Variants in KIF13A observed in about 807,000 individuals in gnomAD.
KIF13A encodes the protein kinesin-like protein KIF13A.
Under a neutral mutation model 212.2 loss-of-function variants are expected in KIF13A, and 79 were observed. The ratio of observed to expected loss-of-function variants is 0.37; its 90% CI spans 0.31 to 0.45. KIF13A has a LOEUF of 0.45. Ranked by LOEUF, KIF13A falls within the 20% of genes least tolerant of loss-of-function variation. The probability of loss-of-function intolerance (pLI) is 1.00; values close to 1 mark genes in which losing one functional copy is unlikely to be tolerated. For missense variants in KIF13A, 1,901 were observed against 2,209.0 expected (o/e 0.86, Z 2.79); for synonymous variants, 789 against 808.6 (o/e 0.98, Z 0.41).
chr6:17,911,953 C>T (rs948030139), intron 2 of KIF13A, among the ~76,000 whole-genome samples: 7 of 151,998 alleles, frequency 4.6e-5, no homozygotes, highest in Non-Finnish European at 7.4e-5. Flanking sequence ...TTAGTAGAGA[C>T]GGGGTTTCAC....
chr6:17,767,791 G>C (rs1278124651), intron 38 of KIF13A, among the ~76,000 whole-genome samples: 1 of 152,166 alleles, frequency 6.6e-6, no homozygotes, highest in East Asian at 1.9e-4. Context: ...GGAAAGGCCT[G>C]TTATCCTAAA....
Position 17,856,510 on chromosome 6 carries a change from C to T in KIF13A, c.221-388G>A, listed in dbSNP as rs1029098969. ...TGCCACTGAACAAGACCATGTTATA[C>T]ACACCTTGGTATCTCCCTCAGCACC... On this transcript the variant is annotated intron_variant, in intron 4 of 38. Transcript: ENST00000259711. This position sits in a 1 kb window ranked among gnomAD's most constrained non-coding sequence, Gnocchi z 4.5. Among the ~76,000 whole-genome samples, 4 of 152,208 alleles carry T rather than the reference C, an allele frequency of 2.6e-5. No individual in the cohort carries two copies. Among genetic ancestry groups the T allele is most frequent in the Non-Finnish European group, 5.9e-5 (4 of 68,044 alleles).
intron 2 of KIF13A, among the ~76,000 whole-genome samples, chr6:17,920,392 A>G (rs977365911): frequency 1.3e-5 from 2 of 152,210 alleles, no homozygotes; most frequent in Admixed American, 6.5e-5. Flanking sequence ...AATCATTTTC[A>G]TTAGTGTTTC....
At chr6:17,822,732 T>C (rs757787977) in intron 16 of KIF13A, among the ~76,000 whole-genome samples, 7 of 152,236 alleles carry the variant, frequency 4.6e-5, no homozygotes, top group Non-Finnish European at 1.0e-4. Flanking sequence ...GAACACCCTA[T>C]ATCCACTCAG....
In KIF13A at chr6:17,828,534, C is replaced by G. The variant is rs1157754369; in HGVS notation, c.1402-164G>C. On this transcript the variant is annotated intron_variant, in intron 13 of 38. Coordinates refer to ENST00000259711, the MANE Select transcript of KIF13A (RefSeq NM_022113.6). The surrounding 1 kb of genome is among the most constrained non-coding windows in gnomAD (Gnocchi z 4.3). ...AAGCATTAAAAGTAAAACGCTTACC[C>G]TTAATACACCAAATTAAAAAAAAAT... Among the ~76,000 whole-genome samples the G allele has an allele frequency of 6.6e-6, 1 of 151,714 alleles. No individual in the cohort carries two copies. Among genetic ancestry groups the G allele is most frequent in the Non-Finnish European group, 1.5e-5 (1 of 68,014 alleles).
intron 2 of KIF13A, among the ~76,000 whole-genome samples, chr6:17,941,455 G>A (rs1238697038): frequency 1.3e-5 from 2 of 152,124 alleles, no homozygotes; most frequent in African/African-American, 2.4e-5. Flanking sequence ...CTCAGAATGC[G>A]ACATCTGGAG....
chr6:17,784,263 A>C (rs189741512), intron 28 of KIF13A, among the ~76,000 whole-genome samples: 1 of 152,108 alleles, frequency 6.6e-6, no homozygotes, highest in Admixed American at 6.5e-5. Flanking sequence ...TATAAAAAAA[A>C]ACAAAAAAAC....
chr6:17,842,401 T>TA (rs929755519), intron 9 of KIF13A, among the ~76,000 whole-genome samples: 9 of 152,026 alleles, frequency 5.9e-5, no homozygotes, highest in African/African-American at 1.4e-4. Context: ...CTTAAAAATA[T>TA]AAAAAAACCA....
intron 20 of KIF13A, among the ~76,000 whole-genome samples, chr6:17,803,214 G>A (rs1052920815): frequency 5.3e-5 from 8 of 152,104 alleles, no homozygotes; most frequent in African/African-American, 1.9e-4. Context: ...GATTACAGGC[G>A]TGAGCCACTG....
Position 17,834,714 on chromosome 6 carries a change from A to C in KIF13A, c.1156-643T>G. Among the ~76,000 whole-genome samples the C allele has an allele frequency of 6.6e-6, 1 of 152,198 alleles. No individual in the cohort carries two copies. The highest frequency in any genetic ancestry group is 6.5e-5 in the Admixed American group (1 of 15,286). Reference sequence around the variant, plus strand: ...GGGGAGAGGCCTTTACTTGTCAATAATATGCTTTGACACCTTAAAGTAACA... The same window carrying C: ...GGGGAGAGGCCTTTACTTGTCAATACTATGCTTTGACACCTTAAAGTAACA... On this transcript the variant is annotated intron_variant, in intron 11 of 38. Transcript: ENST00000259711. This position sits in a 1 kb window ranked among gnomAD's most constrained non-coding sequence, Gnocchi z 4.0.
chr6:17,884,373 G>A (rs1349209236), intron 3 of KIF13A, among the ~76,000 whole-genome samples: 2 of 152,200 alleles, frequency 1.3e-5, no homozygotes, highest in Admixed American at 1.3e-4. Flanking sequence ...CATAGCTACT[G>A]CTGTAGAGCG....
intron 2 of KIF13A, among the ~76,000 whole-genome samples, chr6:17,930,322 G>A (rs915511501): frequency 6.6e-6 from 1 of 152,172 alleles, no homozygotes; most frequent in Non-Finnish European, 1.5e-5. Flanking sequence ...ATGTATAAGG[G>A]AGAGCTCACA....
At chr6:17,965,404 T>C (rs980910278) in intron 2 of KIF13A, among the ~76,000 whole-genome samples, 2 of 152,200 alleles carry the variant, frequency 1.3e-5, no homozygotes, top group Non-Finnish European at 2.9e-5. Flanking sequence ...AAGGCTTTTG[T>C]TGTATATGAT....
At chr6:17,851,177 T>C (rs1767606033) in intron 7 of KIF13A, among the ~76,000 whole-genome samples, 1 of 152,196 alleles carries the variant, frequency 6.6e-6, no homozygotes, top group African/African-American at 2.4e-5. Flanking sequence ...TCCATTCATT[T>C]CAGAATCGAA....
intron 2 of KIF13A, among the ~76,000 whole-genome samples, chr6:17,978,346 G>A (rs932488641): frequency 1.3e-5 from 2 of 152,142 alleles, no homozygotes; most frequent in African/African-American, 2.4e-5. Flanking sequence ...CTTAACATTT[G>A]CATGTCTAAA....
intron 26 of KIF13A, among the ~76,000 whole-genome samples, chr6:17,788,754 C>T (rs566950349): frequency 6.6e-5 from 10 of 152,166 alleles, no homozygotes; most frequent in Admixed American, 2.0e-4. Context: ...AACAGAGTTT[C>T]GCTCTTGTCG....
chr6:17,905,060 C>T (rs1038469512), intron 2 of KIF13A, among the ~76,000 whole-genome samples: 27 of 152,236 alleles, frequency 1.8e-4, no homozygotes, highest in Admixed American at 2.6e-4. Flanking sequence ...GGGCCCAGGA[C>T]GGCTTTCAAT....
chr6:17,974,424 C>A (rs1177042557), intron 2 of KIF13A, among the ~76,000 whole-genome samples: 3 of 152,196 alleles, frequency 2.0e-5, no homozygotes, highest in African/African-American at 7.2e-5. Context: ...ACCTTGGCCA[C>A]ACATGAGAAT....
chr6:17,913,320 A>G (rs1043709056), intron 2 of KIF13A, among the ~76,000 whole-genome samples: 2 of 152,138 alleles, frequency 1.3e-5, no homozygotes, highest in Non-Finnish European at 2.9e-5. Context: ...GTGGATACTA[A>G]CATTTTATAC....
Sources: allele counts gnomAD v4.1 joint callset (sites outside exome capture counted in the v4.1 genomes callset), GRCh38; gene constraint gnomAD v4.1.1; non-coding constraint Gnocchi (gnomAD v3.1); transcripts MANE v1.5; gene names NCBI Gene and HGNC (gene_info 2026-07-23, HGNC 2026-07-21).